The following BIN2 variants were observed in gnomAD, a reference collection of about 807,000 sequenced individuals.
The protein encoded by BIN2 is bridging integrator 2, also known as breast cancer associated protein BRAP1.
In BIN2, 43 loss-of-function variants were observed where a neutral mutation model predicts 67.9. The observed-to-expected ratio is 0.63, with a 90% CI of 0.50 to 0.82. BIN2 has a LOEUF of 0.82. Ranked by LOEUF, BIN2 falls within the 40% of genes least tolerant of loss-of-function variation. BIN2 has a pLI of 0.00. For missense variants in BIN2, 581 were observed against 671.6 expected, an observed-to-expected ratio of 0.87 and a Z score of 1.49; for synonymous variants, 244 against 246.8, an observed-to-expected ratio of 0.99 and a Z score of 0.11.
chr12:51,324,290 C>A, upstream of BIN2: 1 of 1,395,840 alleles, frequency 7.2e-7, no homozygotes, highest in Non-Finnish European at 9.3e-7. Flanking sequence ...CAGGCCGGCT[C>A]GGAGGGGCGG....
At chr12:51,310,523 T>C (rs1945968300) in intron 2 of BIN2, among the ~76,000 whole-genome samples, 1 of 152,172 alleles carries the variant, frequency 6.6e-6, no homozygotes, top group Non-Finnish European at 1.5e-5. Context: ...AAAACTTACA[T>C]TTTAGTGAAA....
chr12:51,293,761 T>C (rs1285680263), intron 9 of BIN2, among the ~76,000 whole-genome samples: 1 of 152,182 alleles, frequency 6.6e-6, no homozygotes, highest in East Asian at 1.9e-4. Context: ...TATGAAGCTA[T>C]GATTTAAAAC....
chr12:51,300,093 C>T (rs1945682243), intron 5 of BIN2, among the ~76,000 whole-genome samples: 1 of 152,082 alleles, frequency 6.6e-6, no homozygotes, highest in Non-Finnish European at 1.5e-5. Context: ...CCACCTCGGC[C>T]TCCCAAAGTG....
chr12:51,290,810 G>A (rs1945359926), intron 10 of BIN2, among the ~76,000 whole-genome samples: 1 of 152,152 alleles, frequency 6.6e-6, no homozygotes, highest in South Asian at 2.1e-4. Flanking sequence ...GCCGGCACCC[G>A]TAGTCCCAGC....
In BIN2 at chr12:51,292,335, CCTG is replaced by C; in HGVS notation, c.768_770del (p.Ser256del). ...CTGGGGGAGAAATGACTAAAGAGCG[CCTG>C]CTGCTGCTAAAAAAGGAAGGTGTTC... On this transcript the variant is annotated inframe_deletion, in exon 10 of 13. Coordinates refer to ENST00000615107, the MANE Select transcript of BIN2 (RefSeq NM_016293.4). 4.5e-6 allele frequency: 7 copies of C among 1,567,486 alleles called. No individual in the cohort carries two copies. Among genetic ancestry groups the C allele is most frequent in the Non-Finnish European group, 6.0e-6 (7 of 1,162,148 alleles).
rs756626592 is a variant in BIN2, at chr12:51,313,816, A to G, written c.162+7T>C. ...TCCAAGCTTCCCTCCCCTACCCTCC[A>G]GATTACCTGTTGTTGGTAGAAGTTG... On this transcript the variant is annotated splice_region_variant and intron_variant, in intron 2 of 12. Transcript: ENST00000615107. 35 of 1,610,420 alleles carry G rather than the reference A, an allele frequency of 2.2e-5. 1 individual carries two copies.
intron 12 of BIN2, 136 bp from the exon 13 acceptor site, chr12:51,281,664 G>A: frequency 1.2e-6 from 1 of 808,480 alleles, no homozygotes; most frequent in Non-Finnish European, 2.1e-6. Context: ...GAGGCAATGT[G>A]AAACTGGTTG....
In BIN2 at chr12:51,310,858, A is replaced by T. The variant is rs530514587; in HGVS notation, c.162+2965T>A. On this transcript the variant is annotated intron_variant, in intron 2 of 12. Coordinates refer to ENST00000615107, the MANE Select transcript of BIN2 (RefSeq NM_016293.4). ...TCACTGTAGCCTCGACCTGAGACTCAGTCAGTCCTCTTGCCTCAGCCTCTC... is the reference window on the plus strand; with the variant it reads ...TCACTGTAGCCTCGACCTGAGACTCTGTCAGTCCTCTTGCCTCAGCCTCTC... Among the ~76,000 whole-genome samples, 8 of 150,968 alleles carry T rather than the reference A, an allele frequency of 5.3e-5. No homozygotes were observed. The South Asian group carries it at 1.5e-3, about 28-fold the overall frequency.
chr12:51,288,580 A>C (rs889487759), intron 10 of BIN2, among the ~76,000 whole-genome samples: 2 of 152,096 alleles, frequency 1.3e-5, no homozygotes, highest in Admixed American at 1.3e-4. Flanking sequence ...TCAGGAAGGC[A>C]GGGTATTTTG....
chr12:51,322,386 T>TTTTATTTTTATTTA (rs1299711859), intron 1 of BIN2, among the ~76,000 whole-genome samples: 5 of 152,118 alleles, frequency 3.3e-5, no homozygotes, highest in African/African-American at 1.2e-4. Flanking sequence ...ATTGTATGTC[T>TTTTATTTTTATTTA]TTTATTTTTA....
intron 11 of BIN2, among the ~76,000 whole-genome samples, chr12:51,287,170 C>T (rs757664629): frequency 6.6e-6 from 1 of 151,840 alleles, no homozygotes; most frequent in Non-Finnish European, 1.5e-5. Context: ...GATGGGATCT[C>T]ACTATGTTGC....
In BIN2 at chr12:51,299,171, C is replaced by A. The variant is rs193252005; in HGVS notation, c.602+32G>T. 3.9e-5 allele frequency: 59 copies of A among 1,526,696 alleles called. No homozygotes were observed. In the African/African-American group the frequency reaches 5.5e-4, roughly 14 times the overall value. The allele number at this position is 1,526,696 out of a possible 1,614,324, so 94.6% of individuals were successfully genotyped here. A position where few individuals can be genotyped will look rare whatever the true frequency, so the allele number is the denominator to read the frequency against. ...GGCACACAAGGTGCCTTGTGTGAAG[C>A]AAAGGCACCTTTTCTGAATTTCAGT... On this transcript the variant is annotated intron_variant, in intron 7 of 12. Coordinates refer to ENST00000615107, the MANE Select transcript of BIN2 (RefSeq NM_016293.4).
At chr12:51,282,347 T>C (rs1372479978) in intron 12 of BIN2, among the ~76,000 whole-genome samples, 1 of 152,170 alleles carries the variant, frequency 6.6e-6, no homozygotes, top group Non-Finnish European at 1.5e-5. Context: ...TCCCATAACA[T>C]TTTAATGGAG....
chr12:51,309,016 G>A (rs969031670), intron 2 of BIN2, among the ~76,000 whole-genome samples: 3 of 152,068 alleles, frequency 2.0e-5, no homozygotes, highest in Admixed American at 6.6e-5. Context: ...GAATGTGGGC[G>A]AATGGCAAGA....
chr12:51,316,033 T>C (rs979047675), intron 1 of BIN2, among the ~76,000 whole-genome samples: 1 of 152,008 alleles, frequency 6.6e-6, no homozygotes, highest in African/African-American at 2.4e-5. Flanking sequence ...TCCCTCGCCA[T>C]GTCCATCTCT....
intron 2 of BIN2, among the ~76,000 whole-genome samples, chr12:51,308,204 G>A (rs867968239): frequency 2.6e-5 from 4 of 152,098 alleles, no homozygotes; most frequent in Admixed American, 2.0e-4. Flanking sequence ...TCGCTTGTCT[G>A]GGAGTCAAGA....
rs748810468 is a variant in BIN2, at chr12:51,291,646, A to C, written c.1460T>G (p.Ile487Ser). Residue 487 changes from isoleucine to serine, a missense_variant, in exon 10 of 13, where the codon ATC (isoleucine) becomes AGC (serine). Coordinates refer to ENST00000615107, the MANE Select transcript of BIN2 (RefSeq NM_016293.4). ...AAGTTCTTCAGGGTTCTGATTGTGGATGTTTTCATTTTCTTTGGCCTCAGG... is the reference window on the plus strand; with the variant it reads ...AAGTTCTTCAGGGTTCTGATTGTGGCTGTTTTCATTTTCTTTGGCCTCAGG... ...RTPEAKENEN[I>S]HNQNPEELCT... 1.9e-6 allele frequency: 3 copies of C among 1,613,280 alleles called. No homozygotes were observed. The highest frequency in any genetic ancestry group is 1.7e-6 in the Non-Finnish European group (2 of 1,179,770).
At chr12:51,305,818 T>TTTTCTTTC (rs1432093208) in intron 2 of BIN2, among the ~76,000 whole-genome samples, 7 of 136,986 alleles carry the variant, frequency 5.1e-5, no homozygotes, top group Admixed American at 2.3e-4. Flanking sequence ...GAGCTCACTG[T>TTTTCTTTC]TTTCTTTCTT....
At chr12:51,287,174 A>G (rs962279578) in intron 11 of BIN2, among the ~76,000 whole-genome samples, 2 of 143,294 alleles carry the variant, frequency 1.4e-5, no homozygotes, top group Non-Finnish European at 3.1e-5. Flanking sequence ...GGATCTCACT[A>G]TGTTGCCCAA....
Sources: gnomAD v4.1 joint callset for allele counts (sites outside exome capture counted in the v4.1 genomes callset) on GRCh38, gnomAD v4.1.1 for gene constraint, MANE v1.5 for transcripts, NCBI Gene and HGNC (gene_info 2026-07-23, HGNC 2026-07-21) for gene names.